SORBS2: variants seen among roughly 807,000 people sequenced by gnomAD.
SORBS2 encodes sorbin and SH3 domain-containing protein 2.
Under a neutral mutation model 97.7 loss-of-function variants are expected in SORBS2, and 46 were observed. That is an observed-to-expected ratio of 0.47 (90% CI 0.37 to 0.60). SORBS2 has a LOEUF of 0.60. SORBS2 is among the 20% of genes least tolerant of loss of function. The pLI is 0.00. For missense variants in SORBS2, 1,316 were observed against 1,282.3 expected, an observed-to-expected ratio of 1.03 and a Z score of -0.40; for synonymous variants, 476 against 473.4, an observed-to-expected ratio of 1.01 and a Z score of -0.07.
At chr4:185,861,509 C>T (rs188840529) in intron 1 of SORBS2, among the ~76,000 whole-genome samples, 12 of 151,982 alleles carry the variant, frequency 7.9e-5, no homozygotes, top group Admixed American at 7.9e-4. Flanking sequence ...AGGCAGGCAG[C>T]TAACAGAGTG....
intron 1 of SORBS2, among the ~76,000 whole-genome samples, chr4:185,931,978 GTCTC>G (rs71598510): frequency 6.4e-5 from 9 of 140,074 alleles, no homozygotes; most frequent in East Asian, 2.1e-4. Context: ...GGAAGAACCT[GTCTC>G]TCTCTCTCTC....
intron 1 of SORBS2, among the ~76,000 whole-genome samples, chr4:185,782,664 G>A (rs376863074): frequency 1.2e-4 from 18 of 152,328 alleles, no homozygotes; most frequent in South Asian, 8.3e-4. Flanking sequence ...ACTCTTTCTT[G>A]TGGCCATATT....
At chr4:185,605,297 T>C (rs2096381685) in intron 12 of SORBS2, among the ~76,000 whole-genome samples, 1 of 152,250 alleles carries the variant, frequency 6.6e-6, no homozygotes, top group Admixed American at 6.5e-5. Flanking sequence ...TCTTTTTATT[T>C]TTGAAATGGA....
chr4:185,928,225 G>A (rs2099264680), intron 1 of SORBS2, among the ~76,000 whole-genome samples: 1 of 152,090 alleles, frequency 6.6e-6, no homozygotes, highest in South Asian at 2.1e-4. Context: ...GGGCAACATA[G>A]AGAGATCCTG....
chr4:185,658,274 C>T (rs1243894349), upstream of SORBS2, among the ~76,000 whole-genome samples: 1 of 152,092 alleles, frequency 6.6e-6, no homozygotes, highest in Non-Finnish European at 1.5e-5. Context: ...TCTTTGATGA[C>T]AAAAACTGCC....
intron 1 of SORBS2, among the ~76,000 whole-genome samples, chr4:185,818,559 T>C (rs1304201155): frequency 6.6e-6 from 1 of 152,174 alleles, no homozygotes; most frequent in East Asian, 1.9e-4. Context: ...AGAACATTCT[T>C]CTGGACATTT....
intron 1 of SORBS2, among the ~76,000 whole-genome samples, chr4:185,955,466 A>T (rs184166632): frequency 6.6e-6 from 1 of 152,348 alleles, no homozygotes; most frequent in Admixed American, 6.5e-5. Context: ...GCCAAGAGAC[A>T]AAAGAAGGAA....
intron 3 of SORBS2, among the ~76,000 whole-genome samples, chr4:185,648,255 C>A (rs1360540265): frequency 6.6e-6 from 1 of 152,208 alleles, no homozygotes; most frequent in East Asian, 1.9e-4. Flanking sequence ...CAGTGACTCA[C>A]GCCTGTAATC....
intron 4 of SORBS2, 110 bp from the exon 14 acceptor site, chr4:185,639,145 G>C: frequency 2.0e-6 from 2 of 999,722 alleles, no homozygotes; most frequent in Non-Finnish European, 2.8e-6. Context: ...GAGGGGAGAG[G>C]CCTCCGGACG....
Position 185,907,279 on chromosome 4 carries a change from T to C in SORBS2, c.-338+48917A>G, listed in dbSNP as rs866494587. Among the ~76,000 whole-genome samples the C allele has an allele frequency of 5.3e-5, 8 of 152,356 alleles. No homozygotes were observed. In the South Asian group the frequency reaches 1.7e-3, roughly 32 times the overall value. ...ATTTCCTTGCTACCCTGCTAGTCTG[T>C]CTGTCCACCTTAAATGTTTTCGCTG... On this transcript the variant is annotated intron_variant, in intron 1 of 20. Coordinates refer to the SORBS2 transcript ENST00000284776.
At position 185,593,943 on chromosome 4, in the gene SORBS2, G is replaced by T; in HGVS notation, c.2797-8C>A. On this transcript the variant is annotated splice_polypyrimidine_tract_variant and splice_region_variant and intron_variant, in intron 12 of 14. Transcript: ENST00000418609. ...AAACACAGGACGCTGTGGCTGAAATGAAATGATTTTCAATGTAATCAATGT... is the reference window on the plus strand; with the variant it reads ...AAACACAGGACGCTGTGGCTGAAATTAAATGATTTTCAATGTAATCAATGT... 6.3e-7 allele frequency: 1 copy of T among 1,594,376 alleles called. No individual in the cohort carries two copies. Among genetic ancestry groups the T allele is most frequent in the Non-Finnish European group, 8.6e-7 (1 of 1,162,246 alleles).
chr4:185,702,918 T>C (rs2098285586), intron 2 of SORBS2, among the ~76,000 whole-genome samples: 1 of 152,186 alleles, frequency 6.6e-6, no homozygotes, highest in Non-Finnish European at 1.5e-5. Flanking sequence ...ATTGTACATA[T>C]CAAGCAGAAA....
At chr4:185,678,717 A>T (rs2097830537) in intron 3 of SORBS2, 79 bp downstream of exon 6, 1 of 1,168,202 alleles carries the variant, frequency 8.6e-7, no homozygotes, top group Non-Finnish European at 1.2e-6. Context: ...ATTTAACATG[A>T]AGTCAGCGAT....
chr4:185,867,455 G>A (rs945345924), intron 1 of SORBS2, among the ~76,000 whole-genome samples: 1 of 152,196 alleles, frequency 6.6e-6, no homozygotes, highest in East Asian at 1.9e-4. Flanking sequence ...AAATGCACCA[G>A]GGTGGACGGA....
At chr4:185,806,436 A>ATTTTT (rs35448726) in intron 1 of SORBS2, among the ~76,000 whole-genome samples, 4 of 22,724 alleles carry the variant, frequency 1.8e-4, no homozygotes, top group African/African-American at 5.7e-4. Context: ...CTAGAATCCT[A>ATTTTT]TTTTTTTTTT....
chr4:185,646,417 G>A (rs947314373), intron 4 of SORBS2: 100 of 300,576 alleles, frequency 3.3e-4, no homozygotes, highest in South Asian at 5.2e-4. Context: ...ATGTGTGTGT[G>A]TATATATATA....
At chr4:185,829,376 T>C (rs1037252652) in intron 1 of SORBS2, among the ~76,000 whole-genome samples, 3 of 152,238 alleles carry the variant, frequency 2.0e-5, no homozygotes, top group Non-Finnish European at 4.4e-5. Flanking sequence ...CTGTGTGAAA[T>C]GCAGATTCCA....
chr4:185,685,272 T>C (rs2097933348), intron 2 of SORBS2, among the ~76,000 whole-genome samples: 1 of 152,194 alleles, frequency 6.6e-6, no homozygotes, highest in African/African-American at 2.4e-5. Flanking sequence ...TTTAAGTTAA[T>C]ATCATTTAAG....
intron 2 of SORBS2, among the ~76,000 whole-genome samples, chr4:185,707,103 T>C (rs1427162177): frequency 6.6e-6 from 1 of 152,232 alleles, no homozygotes; most frequent in African/African-American, 2.4e-5. Context: ...AGATATTACA[T>C]GTATATTAAT....
Sources: allele counts gnomAD v4.1 joint callset (sites outside exome capture counted in the v4.1 genomes callset), GRCh38; gene constraint gnomAD v4.1.1; transcripts MANE v1.5; gene names NCBI Gene and HGNC (gene_info 2026-07-23, HGNC 2026-07-21).